Variants in GRIA2 observed in about 807,000 individuals in gnomAD.
GRIA2 encodes glutamate receptor 2.
A neutral mutation model predicts 97.3 loss-of-function variants in GRIA2; 14 were observed. The observed-to-expected ratio is 0.14, with a 90% CI of 0.10 to 0.23. The LOEUF (loss-of-function observed/expected upper bound fraction) is 0.23. Among genes scored for constraint, GRIA2 ranks in the 10% least tolerant of loss-of-function variants. The pLI is 1.00. For missense variants in GRIA2, 558 were observed against 1,069.8 expected, an observed-to-expected ratio of 0.52 and a Z score of 6.67; for synonymous variants, 412 against 387.8, an observed-to-expected ratio of 1.06 and a Z score of -0.73.
rs1453626882 is a variant in GRIA2 at position 157,363,645 on chromosome 4, G to A, written c.*214G>A. 1.9e-5 allele frequency: 22 copies of A among 1,128,490 alleles called. No individual in the cohort carries two copies. Among genetic ancestry groups the A allele is most frequent in the Non-Finnish European group, 2.4e-5 (21 of 891,918 alleles). 69.9% of individuals were successfully genotyped at this position (1,128,490 alleles called of 1,614,324 possible). A position where few individuals can be genotyped will look rare whatever the true frequency, so the allele number is the denominator to read the frequency against. On this transcript the variant is annotated 3_prime_UTR_variant, in exon 16 of 16. Coordinates refer to ENST00000264426, the MANE Select transcript of GRIA2 (RefSeq NM_001083619.3). Reference sequence around the variant, plus strand: ...GCCTTACACAATGGTTTTCTTGTGTGTTTATTGTCAAAGTGGTGAGAGGCA... The same window carrying A: ...GCCTTACACAATGGTTTTCTTGTGTATTTATTGTCAAAGTGGTGAGAGGCA...
At chr4:157,291,712 A>G (rs912303984) in intron 2 of GRIA2, among the ~76,000 whole-genome samples, 71 of 152,110 alleles carry the variant, frequency 4.7e-4, no homozygotes, top group African/African-American at 1.6e-3. Context: ...GTAGAAATAC[A>G]AAGCTAAGGA....
intron 2 of GRIA2, among the ~76,000 whole-genome samples, chr4:157,252,675 G>A (rs1731068371): frequency 1.3e-5 from 2 of 152,070 alleles, no homozygotes; most frequent in South Asian, 2.1e-4. Context: ...AGAGAATTAA[G>A]TGTGACTAAA....
chr4:157,267,800 A>C (rs1274766456), intron 2 of GRIA2, among the ~76,000 whole-genome samples: 1 of 152,074 alleles, frequency 6.6e-6, no homozygotes, highest in African/African-American at 2.4e-5. Context: ...TGGCTGAGTA[A>C]CAAGTTTCTG....
intron 2 of GRIA2, among the ~76,000 whole-genome samples, chr4:157,224,747 G>T (rs1729668198): frequency 1.3e-5 from 2 of 151,990 alleles, no homozygotes; most frequent in South Asian, 4.1e-4. Flanking sequence ...CCTATCCTTT[G>T]TTTTCTTGCC....
chr4:157,273,498 A>C (rs893576136), intron 2 of GRIA2, among the ~76,000 whole-genome samples: 3 of 152,118 alleles, frequency 2.0e-5, no homozygotes, highest in Admixed American at 6.6e-5. Context: ...AACAGTATGC[A>C]GTTATAGATG....
In GRIA2 at chr4:157,221,650, CTGTT is replaced by C; in HGVS notation, c.89-12_89-9del. 1 of 1,613,506 alleles carries C rather than the reference CTGTT, an allele frequency of 6.2e-7. No individual in the cohort carries two copies. Among genetic ancestry groups the C allele is most frequent in the Non-Finnish European group, 8.5e-7 (1 of 1,179,576 alleles). On this transcript the variant is annotated splice_polypyrimidine_tract_variant and intron_variant, in intron 1 of 15. Coordinates refer to ENST00000264426, the MANE Select transcript of GRIA2 (RefSeq NM_001083619.3). The stretch of plus-strand genomic sequence containing the variant: ...GGCACTGACACTGTTCTCTTGCTTG[CTGTT>C]TGTTCTTTGCAGGGGGGCTATTTCC...
At chr4:157,286,036 A>G (rs971348291) in intron 2 of GRIA2, among the ~76,000 whole-genome samples, 1 of 151,544 alleles carries the variant, frequency 6.6e-6, no homozygotes, top group African/African-American at 2.4e-5. Flanking sequence ...TGAAATTAAA[A>G]CAAGAATAGC....
intron 3 of GRIA2, among the ~76,000 whole-genome samples, chr4:157,312,375 C>T (rs1266500163): frequency 6.6e-6 from 1 of 151,974 alleles, no homozygotes; most frequent in African/African-American, 2.4e-5. Context: ...AAGATATTAA[C>T]ATTACACTTT....
intron 2 of GRIA2, among the ~76,000 whole-genome samples, chr4:157,264,302 T>G (rs1731673039): frequency 6.6e-6 from 1 of 152,100 alleles, no homozygotes; most frequent in Non-Finnish European, 1.5e-5. Context: ...CTGCTTTTCT[T>G]CCTGGAGTCT....
intron 2 of GRIA2, among the ~76,000 whole-genome samples, chr4:157,239,610 A>G (rs1385839050): frequency 2.0e-5 from 3 of 151,988 alleles, no homozygotes; most frequent in Non-Finnish European, 1.5e-5. Context: ...TCAACTTCTT[A>G]CTTTATGAAT....
chr4:157,269,646 TAG>T (rs566822358), intron 2 of GRIA2, among the ~76,000 whole-genome samples: 3 of 152,074 alleles, frequency 2.0e-5, no homozygotes, highest in Non-Finnish European at 4.4e-5. Context: ...TTCTTAATAG[TAG>T]ATTATACAAG....
chr4:157,236,205 G>T (rs1199626934), intron 2 of GRIA2, among the ~76,000 whole-genome samples: 3 of 151,830 alleles, frequency 2.0e-5, no homozygotes, highest in Non-Finnish European at 4.4e-5. Flanking sequence ...GCTTCTTGTG[G>T]TCTTTATATT....
At chr4:157,315,024 C>T (rs1734249827) in intron 4 of GRIA2, among the ~76,000 whole-genome samples, 2 of 152,122 alleles carry the variant, frequency 1.3e-5, no homozygotes, top group Admixed American at 1.3e-4. Context: ...GGAGAAAGAA[C>T]CTTTCTTAAA....
At chr4:157,306,753 T>C (rs1348772598) in intron 3 of GRIA2, among the ~76,000 whole-genome samples, 1 of 152,238 alleles carries the variant, frequency 6.6e-6, no homozygotes, top group African/African-American at 2.4e-5. Flanking sequence ...TTAATTTTTA[T>C]GGCTTTGCCA....
chr4:157,221,597 T>C, intron 1 of GRIA2, 70 bp from the exon 2 acceptor site: 5 of 1,512,908 alleles, frequency 3.3e-6, no homozygotes, highest in Admixed American at 1.9e-5. Context: ...TTTTGGGCGC[T>C]AGCGCGCGCC....
chr4:157,250,453 G>T (rs1412848056), intron 2 of GRIA2, among the ~76,000 whole-genome samples: 1 of 152,068 alleles, frequency 6.6e-6, no homozygotes, highest in African/African-American at 2.4e-5. Context: ...TTGAAGAAAA[G>T]AAGTTATAAT....
At chr4:157,321,012 G>C (rs1734537363) in intron 5 of GRIA2, among the ~76,000 whole-genome samples, 1 of 152,146 alleles carries the variant, frequency 6.6e-6, no homozygotes, top group Admixed American at 6.5e-5. Flanking sequence ...GAGTGAAGAA[G>C]TAATTCAAAC....
chr4:157,319,314 T>C (rs749058617), intron 5 of GRIA2, among the ~76,000 whole-genome samples: 1 of 152,136 alleles, frequency 6.6e-6, no homozygotes, highest in Non-Finnish European at 1.5e-5. Context: ...AAGATTATAT[T>C]TGAACATTGA....
In GRIA2 at chr4:157,353,513, A is replaced by T. The variant is rs529934154; in HGVS notation, c.2044-6383A>T. On this transcript the variant is annotated intron_variant, in intron 12 of 15. Coordinates refer to ENST00000264426, the MANE Select transcript of GRIA2 (RefSeq NM_001083619.3). The stretch of plus-strand genomic sequence containing the variant: ...ATGAAACCCCGTCTCTAATAAAAAT[A>T]ATAAAAAAAAAAATTAGCCAGGTGT... Among the ~76,000 whole-genome samples, 88 of 144,880 alleles carry T rather than the reference A, an allele frequency of 6.1e-4. 1 individual carries two copies. In the South Asian group the frequency reaches 6.3e-3, roughly 10 times the overall value.
Sources: gnomAD v4.1 joint callset for allele counts (sites outside exome capture counted in the v4.1 genomes callset) on GRCh38, gnomAD v4.1.1 for gene constraint, MANE v1.5 for transcripts, NCBI Gene and HGNC (gene_info 2026-07-23, HGNC 2026-07-21) for gene names.